The following SIPA1L1 variants were observed in gnomAD, a reference collection of about 807,000 sequenced individuals.
The protein encoded by SIPA1L1 is signal-induced proliferation-associated 1-like protein 1.
SIPA1L1 carries 26 observed loss-of-function variants against 162.7 expected under a neutral mutation model. The ratio of observed to expected loss-of-function variants is 0.16; its 90% CI spans 0.12 to 0.22. The LOEUF is 0.22. Among genes scored for constraint, SIPA1L1 ranks in the 10% least tolerant of loss-of-function variants. The pLI, the probability that SIPA1L1 is intolerant of heterozygous loss-of-function variation, is 1.00. For synonymous variants in SIPA1L1, 829 were observed against 837.4 expected, an observed-to-expected ratio of 0.99 and a Z score of 0.17; for missense variants, 1,874 against 2,241.0, an observed-to-expected ratio of 0.84 and a Z score of 3.31.
At chr14:71,583,870 C>G (rs912840820) in intron 4 of SIPA1L1, among the ~76,000 whole-genome samples, 3 of 152,104 alleles carry the variant, frequency 2.0e-5, no homozygotes, top group African/African-American at 7.2e-5. Context: ...CCTACAGTAT[C>G]AACAGACAGA....
intron 2 of SIPA1L1, among the ~76,000 whole-genome samples, chr14:71,498,064 A>G (rs2049927855): frequency 6.6e-6 from 1 of 152,108 alleles, no homozygotes; most frequent in South Asian, 2.1e-4. Context: ...TTATGACTTT[A>G]ATTTGCATCT....
chr14:71,466,295 G>T (rs1436650039), intron 2 of SIPA1L1, among the ~76,000 whole-genome samples: 1 of 152,136 alleles, frequency 6.6e-6, no homozygotes, highest in East Asian at 1.9e-4. Context: ...TAGGGGAGAG[G>T]CTGTTGTTTA....
At chr14:71,595,802 C>T (rs1469915483) in intron 5 of SIPA1L1, among the ~76,000 whole-genome samples, 1 of 152,150 alleles carries the variant, frequency 6.6e-6, no homozygotes, top group Non-Finnish European at 1.5e-5. Flanking sequence ...TTCTTTGATG[C>T]CTCCTTTATC....
chr14:71,336,946 G>A (rs1344506799), intron 2 of SIPA1L1, among the ~76,000 whole-genome samples: 1 of 151,896 alleles, frequency 6.6e-6, no homozygotes, highest in Non-Finnish European at 1.5e-5. Context: ...AGTGGACCTT[G>A]ACCCCTGTAT....
chr14:71,375,690 TTA>T (rs1351416437), intron 2 of SIPA1L1, among the ~76,000 whole-genome samples: 1 of 152,176 alleles, frequency 6.6e-6, no homozygotes, highest in African/African-American at 2.4e-5. Context: ...CCTTTAAGTA[TTA>T]TATTGGTTTT....
intron 5 of SIPA1L1, among the ~76,000 whole-genome samples, chr14:71,600,269 A>G (rs868075588): frequency 2.0e-5 from 3 of 152,144 alleles, no homozygotes; most frequent in Non-Finnish European, 2.9e-5. Flanking sequence ...TATGTCTTTA[A>G]TCCATCTTCA....
intron 2 of SIPA1L1, among the ~76,000 whole-genome samples, chr14:71,504,816 T>A (rs2050526931): frequency 6.6e-6 from 1 of 152,240 alleles, no homozygotes; most frequent in Admixed American, 6.5e-5. Flanking sequence ...ACTTCTACCT[T>A]TTTTAGAAGT....
At chr14:71,533,825 T>C (rs1347605233) in intron 4 of SIPA1L1, among the ~76,000 whole-genome samples, 1 of 152,320 alleles carries the variant, frequency 6.6e-6, no homozygotes, top group Middle Eastern at 3.4e-3. Context: ...TGGTAAAATA[T>C]TTCATCAGTC....
intron 5 of SIPA1L1, among the ~76,000 whole-genome samples, chr14:71,599,219 C>T (rs1364856035): frequency 1.6e-5 from 2 of 123,564 alleles, no homozygotes; most frequent in Admixed American, 1.1e-4. Flanking sequence ...GGCACGATTT[C>T]GGCTCACCAC....
At chr14:71,501,885 A>G (rs1266463027) in intron 2 of SIPA1L1, among the ~76,000 whole-genome samples, 1 of 151,818 alleles carries the variant, frequency 6.6e-6, no homozygotes, top group Non-Finnish European at 1.5e-5. Flanking sequence ...AAATAAATAA[A>G]TAATACAAAA....
chr14:71,331,664 T>G (rs1049413479), intron 2 of SIPA1L1, among the ~76,000 whole-genome samples: 1 of 152,220 alleles, frequency 6.6e-6, no homozygotes, highest in Non-Finnish European at 1.5e-5. Context: ...CACAGTGATT[T>G]AGAGAAATTA....
intron 2 of SIPA1L1, chr14:71,414,085 G>A (rs1690351488): frequency 6.6e-6 from 1 of 151,992 alleles, no homozygotes; most frequent in African/African-American, 2.4e-5. Context: ...ATTCTTAGAA[G>A]ACCTGCTATT....
chr14:71,502,235 G>T (rs1386303389), intron 2 of SIPA1L1, among the ~76,000 whole-genome samples: 1 of 80,330 alleles, frequency 1.2e-5, no homozygotes, highest in Admixed American at 1.7e-4. Flanking sequence ...GAGCCTTTGA[G>T]ATACTTGAAA....
At chr14:71,339,370 T>C (rs1209186614) in intron 2 of SIPA1L1, among the ~76,000 whole-genome samples, 9 of 151,394 alleles carry the variant, frequency 5.9e-5, no homozygotes, top group Non-Finnish European at 8.9e-5. Context: ...TTCTTTCTTT[T>C]TTTTTTTTTT....
intron 7 of SIPA1L1, among the ~76,000 whole-genome samples, chr14:71,635,998 A>G (rs370575189): frequency 1.4e-4 from 21 of 152,240 alleles, no homozygotes; most frequent in Admixed American, 4.6e-4. Context: ...GAAGAGGTCA[A>G]TCCACCAAGA....
At chr14:71,554,767 GT>G (rs2146362263) in intron 4 of SIPA1L1, among the ~76,000 whole-genome samples, 1 of 152,172 alleles carries the variant, frequency 6.6e-6, no homozygotes, top group East Asian at 1.9e-4. Flanking sequence ...TATAAACATA[GT>G]TTGGGAGCAT....
chr14:71,543,908 A>G (rs542904696), intron 4 of SIPA1L1, among the ~76,000 whole-genome samples: 2 of 149,718 alleles, frequency 1.3e-5, no homozygotes, highest in Admixed American at 6.7e-5. Flanking sequence ...ATATGTGTGT[A>G]TATATACATA....
chr14:71,724,304 G>C (rs1019754230), intron 18 of SIPA1L1, among the ~76,000 whole-genome samples: 1 of 152,096 alleles, frequency 6.6e-6, no homozygotes, highest in Admixed American at 6.5e-5. Context: ...TTTTTGACAA[G>C]GTAGTACATC....
intron 2 of SIPA1L1, among the ~76,000 whole-genome samples, chr14:71,339,973 C>G (rs2035480137): frequency 6.6e-6 from 1 of 152,188 alleles, no homozygotes; most frequent in Non-Finnish European, 1.5e-5. Context: ...ATGCAGTCAT[C>G]TGTTGGGACC....
Sources: allele counts gnomAD v4.1 joint callset (sites outside exome capture counted in the v4.1 genomes callset), GRCh38; gene constraint gnomAD v4.1.1; transcripts MANE v1.5; gene names NCBI Gene and HGNC (gene_info 2026-07-23, HGNC 2026-07-21).